HEATR5A: variants seen among roughly 807,000 people sequenced by gnomAD.
HEATR5A encodes the protein HEAT repeat containing 5A, also known as HEAT repeat-containing protein 5A.
HEATR5A carries 178 observed loss-of-function variants against 218.8 expected under a neutral mutation model. The ratio of observed to expected loss-of-function variants is 0.81; its 90% CI spans 0.72 to 0.92. The LOEUF (loss-of-function observed/expected upper bound fraction) is 0.92. HEATR5A is among the 40% of genes least tolerant of loss of function. The probability of loss-of-function intolerance (pLI) is 0.00; values close to 1 mark genes in which losing one functional copy is unlikely to be tolerated. For missense variants in HEATR5A, 2,420 were observed against 2,418.9 expected (o/e 1.00, Z -0.01); for synonymous variants, 864 against 871.6 (o/e 0.99, Z 0.15).
rs778433479 is a variant in HEATR5A, at chr14:31,395,389, A to G, written c.448-41T>C. 7.0e-6 allele frequency: 8 copies of G among 1,141,894 alleles called. No individual in the cohort carries two copies. The Middle Eastern group carries it at 9.8e-4, about 140-fold the overall frequency. The allele number at this position is 1,141,894 out of a possible 1,614,324, so 70.7% of individuals were successfully genotyped here. A position where few individuals can be genotyped will look rare whatever the true frequency, so the allele number is the denominator to read the frequency against. ...AAAATTAAATAGGAAAAATAATTAA[A>G]CTGCAAAGAACAGGATTAAACATTG... On this transcript the variant is annotated intron_variant, in intron 4 of 35. Transcript: ENST00000543095.
intron 6 of HEATR5A, among the ~76,000 whole-genome samples, chr14:31,390,238 T>C (rs1275686624): frequency 6.6e-6 from 1 of 152,030 alleles, no homozygotes; most frequent in African/African-American, 2.4e-5. Flanking sequence ...GGGCAGAAGA[T>C]ATAGGACCTT....
At chr14:31,372,922 C>A (rs1902092844) in intron 12 of HEATR5A, among the ~76,000 whole-genome samples, 1 of 136,326 alleles carries the variant, frequency 7.3e-6, no homozygotes, top group Non-Finnish European at 1.6e-5. Flanking sequence ...CTCCCTCCTT[C>A]CCTCCCGACC....
intron 21 of HEATR5A, among the ~76,000 whole-genome samples, chr14:31,343,360 C>T (rs1900906040): frequency 2.0e-5 from 3 of 152,270 alleles, no homozygotes; most frequent in South Asian, 2.1e-4. Flanking sequence ...TGAGCCACTG[C>T]GCCTGGCCAG....
chr14:31,419,978 G>A (rs917791988), intron 1 of HEATR5A, among the ~76,000 whole-genome samples: 26 of 152,242 alleles, frequency 1.7e-4, no homozygotes, highest in African/African-American at 6.3e-4. Flanking sequence ...GGGCCTCTGA[G>A]GAAGCTCGCC....
Position 31,372,554 on chromosome 14 carries a change from C to A in HEATR5A, c.1862-645G>T, listed in dbSNP as rs371738266. On this transcript the variant is annotated intron_variant, in intron 12 of 35. Coordinates refer to ENST00000543095, the MANE Select transcript of HEATR5A (RefSeq NM_015473.4). ...TATTTTAAAGTCAGACTGGGCCAGG[C>A]GCAGTGGCTCACACCCGTAATCCCA... Among the ~76,000 whole-genome samples the A allele has an allele frequency of 9.9e-5, 15 of 152,170 alleles. 1 individual carries two copies. The South Asian group carries it at 3.1e-3, about 32-fold the overall frequency.
At chr14:31,412,178 G>A (rs7150262) in intron 1 of HEATR5A, among the ~76,000 whole-genome samples, 85,248 of 151,992 alleles carry the variant, frequency 0.56, 23,983 homozygotes, top group African/African-American at 0.6. Context: ...ATTGCTAGTA[G>A]AAGGATATAT....
intron 4 of HEATR5A, among the ~76,000 whole-genome samples, chr14:31,397,483 C>T (rs977472334): frequency 6.6e-5 from 10 of 151,870 alleles, no homozygotes; most frequent in African/African-American, 2.2e-4. Context: ...CATGGTGAAA[C>T]CCCGTCTCTA....
Position 31,302,357 on chromosome 14 carries a change from C to G in HEATR5A, c.5402G>C (p.Arg1801Pro). The G allele has an allele frequency of 6.2e-7, 1 of 1,604,742 alleles. No individual in the cohort carries two copies. Among genetic ancestry groups the G allele is most frequent in the South Asian group, 1.1e-5 (1 of 89,052 alleles). Residue 1801 changes from arginine (R) to proline (P), a missense_variant, in exon 33 of 36, where the codon CGT becomes CCT. Coordinates refer to ENST00000543095, the MANE Select transcript of HEATR5A (RefSeq NM_015473.4). ...SSPMARAEKS[R>P]TAWTDLLRSA... Reference sequence around the variant, plus strand: ...TCGGAGAAGGTCAGTCCAAGCAGTACGGCTCTTTTCTGCCCGGGCCATGGG... The same window carrying G: ...TCGGAGAAGGTCAGTCCAAGCAGTAGGGCTCTTTTCTGCCCGGGCCATGGG...
intron 19 of HEATR5A, 78 bp downstream of exon 19, chr14:31,347,670 A>G (rs1331942306): frequency 9.6e-7 from 1 of 1,042,316 alleles, no homozygotes; most frequent in African/African-American, 1.7e-5. Flanking sequence ...TTCATAAATT[A>G]TTAATGTTCA....
chr14:31,415,739 G>T (rs900879554), intron 1 of HEATR5A, among the ~76,000 whole-genome samples: 3 of 152,008 alleles, frequency 2.0e-5, no homozygotes, highest in Non-Finnish European at 2.9e-5. Context: ...TTTCGAGTAA[G>T]GTATTATTTT....
chr14:31,361,018 T>G (rs1408251995), intron 14 of HEATR5A, among the ~76,000 whole-genome samples: 2 of 152,144 alleles, frequency 1.3e-5, no homozygotes, highest in African/African-American at 4.8e-5. Context: ...ATAACCTTCA[T>G]AGTAACCTAA....
At chr14:31,387,437 C>G in intron 7 of HEATR5A, 62 bp from the exon 8 acceptor site, 1 of 1,167,292 alleles carries the variant, frequency 8.6e-7, no homozygotes, top group Non-Finnish European at 1.2e-6. Context: ...TTCTCCCCCA[C>G]AAAACATGTA....
intron 33 of HEATR5A, among the ~76,000 whole-genome samples, chr14:31,298,169 A>T (rs536585283): frequency 6.6e-6 from 1 of 152,296 alleles, no homozygotes; most frequent in South Asian, 2.1e-4. Context: ...ATTTCATGAG[A>T]GAACCTAAGC....
rs75520041 is a variant in HEATR5A at position 31,303,900 on chromosome 14, A to G, written c.5239+1005T>C. The stretch of plus-strand genomic sequence containing the variant: ...AGCAGAGCTACACAGAGAACCTTAA[A>G]TGCTATGTTAAAGAGTATGGACTTG... On this transcript the variant is annotated intron_variant, in intron 32 of 35. Transcript: ENST00000543095. Among the ~76,000 whole-genome samples the G allele has an allele frequency of 4.2e-3, 645 of 152,266 alleles. 5 individuals carry two copies. The highest frequency in any genetic ancestry group is 0.015 in the African/African-American group (611 of 41,560).
chr14:31,355,933 G>A (rs1901411016), intron 16 of HEATR5A, among the ~76,000 whole-genome samples: 1 of 149,918 alleles, frequency 6.7e-6, no homozygotes, highest in Non-Finnish European at 1.5e-5. Flanking sequence ...ACAACCACAT[G>A]TTACACAACT....
intron 11 of HEATR5A, among the ~76,000 whole-genome samples, chr14:31,378,696 G>A (rs925220894): frequency 9.3e-5 from 14 of 151,014 alleles, no homozygotes; most frequent in African/African-American, 3.4e-4. Context: ...GCTGAGGCAG[G>A]AGAATGGCAT....
chr14:31,356,095 T>C (rs1230198588), intron 16 of HEATR5A, among the ~76,000 whole-genome samples: 2 of 152,340 alleles, frequency 1.3e-5, no homozygotes, highest in East Asian at 1.9e-4. Context: ...ATAAATATCA[T>C]ATCTGGCATA....
At chr14:31,350,847 G>A (rs1475583180) in intron 16 of HEATR5A, 130 bp from the exon 17 acceptor site, 6 of 577,350 alleles carry the variant, frequency 1.0e-5, no homozygotes, top group African/African-American at 1.9e-5. Flanking sequence ...GCACCATCTC[G>A]GCTCACTACA....
Position 31,293,035 on chromosome 14 carries a change from TA to T in HEATR5A, c.*269del. 2 of 347,858 alleles carry T rather than the reference TA, an allele frequency of 5.7e-6. No homozygotes were observed. The highest frequency in any genetic ancestry group is 1.0e-5 in the Non-Finnish European group (2 of 194,012). The allele number at this position is 347,858 out of a possible 1,614,324, so 21.5% of individuals were successfully genotyped here. On this transcript the variant is annotated 3_prime_UTR_variant, in exon 36 of 36. Transcript: ENST00000543095. ...ATTTTTAAAGCAGTGGATTGTTTAG[TA>T]AGTTTAGTTCTTTAGCACTTTCTTA...
Sources: gnomAD v4.1 joint callset for allele counts (sites outside exome capture counted in the v4.1 genomes callset) on GRCh38, gnomAD v4.1.1 for gene constraint, MANE v1.5 for transcripts, NCBI Gene and HGNC (gene_info 2026-07-23, HGNC 2026-07-21) for gene names.